The following CSMD1 variants were observed in gnomAD, a reference collection of about 807,000 sequenced individuals.
CSMD1 encodes CUB and sushi domain-containing protein 1.
CSMD1 carries 213 observed loss-of-function variants against 417.5 expected under a neutral mutation model. The ratio of observed to expected loss-of-function variants is 0.51; its 90% CI spans 0.46 to 0.57. The LOEUF (loss-of-function observed/expected upper bound fraction) is 0.57. CSMD1 is among the 20% of genes least tolerant of loss of function. The pLI is 0.00. For synonymous variants in CSMD1, 2,862 were observed against 1,736.8 expected (o/e 1.65, Z -16.11); for missense variants, 6,923 against 4,529.7 (o/e 1.53, Z -15.17).
intron 5 of CSMD1, among the ~76,000 whole-genome samples, chr8:3,839,948 T>C (rs562353812): frequency 1.3e-5 from 2 of 152,154 alleles, no homozygotes; most frequent in Non-Finnish European, 2.9e-5. Flanking sequence ...CTGCTCTGGA[T>C]ATTTGGAGAC....
intron 3 of CSMD1, among the ~76,000 whole-genome samples, chr8:4,211,927 A>G (rs1308435548): frequency 6.6e-6 from 1 of 152,218 alleles, no homozygotes; most frequent in African/African-American, 2.4e-5. Context: ...TATTAGGAAG[A>G]AAGGGTAATA....
chr8:4,766,848 A>G (rs1013215947), intron 1 of CSMD1, among the ~76,000 whole-genome samples: 1 of 152,226 alleles, frequency 6.6e-6, no homozygotes, highest in Non-Finnish European at 1.5e-5. Flanking sequence ...ATGATTTCTC[A>G]TATGTATAAA....
At chr8:4,700,120 AC>A in intron 1 of CSMD1, among the ~76,000 whole-genome samples, 1 of 152,170 alleles carries the variant, frequency 6.6e-6, no homozygotes, top group Non-Finnish European at 1.5e-5. Context: ...TAAGTGGTGA[AC>A]TTTTTGTTTA....
intron 1 of CSMD1, among the ~76,000 whole-genome samples, chr8:4,815,146 A>C (rs1240659670): frequency 6.6e-6 from 1 of 152,188 alleles, no homozygotes; most frequent in Non-Finnish European, 1.5e-5. Context: ...TATCAGGAAG[A>C]GTTGGAACGT....
At chr8:4,799,141 A>G (rs1798142099) in intron 1 of CSMD1, among the ~76,000 whole-genome samples, 1 of 152,168 alleles carries the variant, frequency 6.6e-6, no homozygotes, top group Non-Finnish European at 1.5e-5. Flanking sequence ...TCAACTCAAT[A>G]CATGAGAGAT....
chr8:4,624,761 T>C (rs910432811), intron 2 of CSMD1, among the ~76,000 whole-genome samples: 6 of 152,148 alleles, frequency 3.9e-5, no homozygotes, highest in Non-Finnish European at 8.8e-5. Context: ...TCTGCCTGAC[T>C]CCTGAGGGTA....
intron 26 of CSMD1, among the ~76,000 whole-genome samples, chr8:3,242,081 C>T (rs539203112): frequency 6.8e-4 from 95 of 139,410 alleles, no homozygotes; most frequent in African/African-American, 2.5e-3. Context: ...TAAACACTAT[C>T]TGATTTGGGA....
At chr8:3,727,665 C>T (rs917958783) in intron 6 of CSMD1, among the ~76,000 whole-genome samples, 1 of 152,142 alleles carries the variant, frequency 6.6e-6, no homozygotes, top group Non-Finnish European at 1.5e-5. Flanking sequence ...TGTTTTTACA[C>T]TCAAGTTTAA....
chr8:3,751,111 G>T (rs1051880457), intron 6 of CSMD1, among the ~76,000 whole-genome samples: 3 of 151,860 alleles, frequency 2.0e-5, no homozygotes, highest in African/African-American at 7.3e-5. Context: ...GGACCATGTG[G>T]TAATGAAAAA....
intron 62 of CSMD1, among the ~76,000 whole-genome samples, chr8:2,960,033 T>C (rs1177477784): frequency 1.3e-5 from 2 of 152,214 alleles, no homozygotes; most frequent in African/African-American, 2.4e-5. Flanking sequence ...CTAAATACAG[T>C]CATCATTGAC....
rs755373413 is a variant in CSMD1, at chr8:3,444,854, C to A, written c.1561+23858G>T. ...AGCAAGTAAATACAAAAAGAAGCAA[C>A]AGAATCAGAATACTATCGATTTGTG... On this transcript the variant is annotated intron_variant, in intron 12 of 69. Transcript: ENST00000635120. Among the ~76,000 whole-genome samples, 3 of 152,258 alleles carry A rather than the reference C, an allele frequency of 2.0e-5. No individual in the cohort carries two copies. The South Asian group carries it at 6.2e-4, about 32-fold the overall frequency.
chr8:3,480,265 G>A (rs970870227), intron 11 of CSMD1, among the ~76,000 whole-genome samples: 2 of 152,176 alleles, frequency 1.3e-5, no homozygotes, highest in East Asian at 3.9e-4. Flanking sequence ...AGGAGGTTGA[G>A]GCAGAAGAAT....
intron 2 of CSMD1, among the ~76,000 whole-genome samples, chr8:4,453,354 T>G (rs1336971196): frequency 2.0e-5 from 3 of 152,168 alleles, no homozygotes; most frequent in African/African-American, 7.2e-5. Context: ...TGCCCCAGTC[T>G]GCTGGGATTG....
intron 3 of CSMD1, among the ~76,000 whole-genome samples, chr8:4,258,573 T>C (rs1176301827): frequency 1.5e-5 from 2 of 132,588 alleles, no homozygotes; most frequent in African/African-American, 5.7e-5. Flanking sequence ...GAGGGAAGAA[T>C]GGAAGGAAGG....
chr8:3,326,005 C>G (rs1339751570), intron 23 of CSMD1, among the ~76,000 whole-genome samples: 1 of 152,198 alleles, frequency 6.6e-6, no homozygotes, highest in South Asian at 2.1e-4. Context: ...TGGTCCTAGA[C>G]TGACATGACC....
chr8:4,206,615 T>C (rs1417097072), intron 3 of CSMD1, among the ~76,000 whole-genome samples: 2 of 152,214 alleles, frequency 1.3e-5, no homozygotes, highest in African/African-American at 4.8e-5. Context: ...TTCCAAGCTT[T>C]GCTACTGTGA....
At chr8:4,474,388 G>A (rs141381584) in intron 2 of CSMD1, among the ~76,000 whole-genome samples, 1 of 152,274 alleles carries the variant, frequency 6.6e-6, no homozygotes, top group South Asian at 2.1e-4. Context: ...AGAATAAGAG[G>A]AGGACAGAGA....
chr8:3,672,715 T>A (rs1200661015), intron 7 of CSMD1, among the ~76,000 whole-genome samples: 1 of 152,138 alleles, frequency 6.6e-6, no homozygotes, highest in Non-Finnish European at 1.5e-5. Flanking sequence ...GGTGGTGGTT[T>A]GAAATTGGCC....
intron 2 of CSMD1, among the ~76,000 whole-genome samples, chr8:4,455,201 T>G (rs1231951711): frequency 8.3e-6 from 1 of 121,006 alleles, no homozygotes; most frequent in Non-Finnish European, 2.0e-5. Flanking sequence ...GCTATGACTC[T>G]CTTTATCTTA....
Sources: allele counts gnomAD v4.1 joint callset (sites outside exome capture counted in the v4.1 genomes callset), GRCh38; gene constraint gnomAD v4.1.1; transcripts MANE v1.5; gene names NCBI Gene and HGNC (gene_info 2026-07-23, HGNC 2026-07-21).